NMD3: variants seen among roughly 807,000 people sequenced by gnomAD.
NMD3 encodes 60S ribosomal export protein NMD3.
NMD3 carries 47 observed loss-of-function variants against 73.1 expected under a neutral mutation model. That is an observed-to-expected ratio of 0.64 (90% confidence interval 0.51 to 0.82). NMD3 has a LOEUF of 0.82. Among genes scored for constraint, NMD3 ranks in the 40% least tolerant of loss-of-function variants. NMD3 has a pLI of 0.00. For synonymous variants in NMD3, 210 were observed against 194.5 expected (o/e 1.08, Z -0.66); for missense variants, 554 against 612.5 (o/e 0.90, Z 1.01).
At chr3:161,233,054 A>G (rs1481494376) in intron 4 of NMD3, among the ~76,000 whole-genome samples, 1 of 152,100 alleles carries the variant, frequency 6.6e-6, no homozygotes, top group East Asian at 1.9e-4. Context: ...ATAAATAATG[A>G]GGTCACAAGG....
In NMD3 at chr3:161,242,572, G is replaced by T. The variant is rs770042204; in HGVS notation, c.936G>T (p.Gln312His). 7.4e-6 allele frequency: 12 copies of T among 1,613,440 alleles called. No individual in the cohort carries two copies. Among genetic ancestry groups the T allele is most frequent in the Middle Eastern group, 1.6e-4 (1 of 6,082 alleles). ...HPFNSLCHPK[Q>H]LEEFIVMECS... is the part of the protein sequence containing the mutation. ...TCAATAGTTTATGTCATCCCAAACA[G>T]CTAGAGGAGTTTATTGTGATGGAAT... The change falls in exon 11 of 16, where the codon CAG becomes CAT. Residue 312 changes from glutamine (Q) to histidine (H), a missense_variant. Physicochemically the swap from Gln to His is conservative, Grantham distance 24. Coordinates refer to ENST00000351193, the MANE Select transcript of NMD3 (RefSeq NM_015938.5).
chr3:161,238,947 T>C (rs753988262), intron 9 of NMD3, 121 bp downstream of exon 9: 4 of 539,598 alleles, frequency 7.4e-6, no homozygotes, highest in Non-Finnish European at 1.3e-5. Flanking sequence ...AATAAGTTCC[T>C]TAAGTGACTT....
chr3:161,236,812 C>G (rs1316424538), intron 7 of NMD3, among the ~76,000 whole-genome samples: 1 of 152,104 alleles, frequency 6.6e-6, no homozygotes, highest in Non-Finnish European at 1.5e-5. Context: ...AAAACTCTGT[C>G]CTTTCCTCAG....
intron 4 of NMD3, among the ~76,000 whole-genome samples, chr3:161,229,546 A>C (rs1181794329): frequency 6.6e-6 from 1 of 152,214 alleles, no homozygotes; most frequent in Non-Finnish European, 1.5e-5. Flanking sequence ...TAGACACTTA[A>C]GTAGAAATAC....
intron 11 of NMD3, among the ~76,000 whole-genome samples, chr3:161,244,650 T>C (rs930857433): frequency 2.9e-4 from 43 of 150,534 alleles, no homozygotes; most frequent in Non-Finnish European, 5.3e-4. Context: ...TTTTTTTTTT[T>C]TTTTTTTAAA....
intron 13 of NMD3, among the ~76,000 whole-genome samples, chr3:161,248,056 G>A (rs1336276808): frequency 6.6e-6 from 1 of 151,888 alleles, no homozygotes; most frequent in Non-Finnish European, 1.5e-5. Flanking sequence ...AAGTAGCTGG[G>A]ATTACAGGTG....
At chr3:161,227,098 C>A (rs1736347615) in intron 3 of NMD3, 149 bp from the exon 4 acceptor site, 1 of 476,850 alleles carries the variant, frequency 2.1e-6, no homozygotes, top group Non-Finnish European at 3.8e-6. Flanking sequence ...GTTTTGGAAC[C>A]ATTAAAATAT....
downstream of NMD3, chr3:161,252,971 C>A (rs935541379): frequency 4.7e-6 from 2 of 424,578 alleles, no homozygotes. Context: ...TGGTGGTGCA[C>A]ACATAGTCCC....
intron 9 of NMD3, 23 bp downstream of exon 9, chr3:161,238,849 C>T (rs1424285347): frequency 2.6e-6 from 3 of 1,141,652 alleles, no homozygotes; most frequent in Non-Finnish European, 3.9e-6. Context: ...TTCATTTAAT[C>T]CATATCTGTA....
At chr3:161,235,347 C>T (rs1042672788) in intron 7 of NMD3, 135 bp downstream of exon 7, 2 of 439,114 alleles carry the variant, frequency 4.6e-6, no homozygotes, top group African/African-American at 4.3e-5. Context: ...AAAAAAAAAA[C>T]AACTTAATTC....
chr3:161,235,986 T>G (rs1736741328), intron 7 of NMD3, among the ~76,000 whole-genome samples: 1 of 152,228 alleles, frequency 6.6e-6, no homozygotes, highest in Non-Finnish European at 1.5e-5. Context: ...TTTTATTAAT[T>G]TTGTTTTTAA....
intron 11 of NMD3, 108 bp downstream of exon 11, chr3:161,242,761 A>G (rs1737042557): frequency 2.1e-6 from 2 of 949,346 alleles, no homozygotes; most frequent in African/African-American, 1.6e-5. Context: ...ATGGAATCCA[A>G]ACTTAGCACC....
At chr3:161,247,522 C>G (rs1431782474) in intron 13 of NMD3, among the ~76,000 whole-genome samples, 192 bp downstream of exon 13, 6 of 149,466 alleles carry the variant, frequency 4.0e-5, no homozygotes, top group Non-Finnish European at 8.9e-5. Flanking sequence ...TGCAGTGGCT[C>G]AAGCCTGTAA....
chr3:161,252,733 T>C, downstream of NMD3: 1 of 649,104 alleles, frequency 1.5e-6, no homozygotes, highest in Non-Finnish European at 2.8e-6. Flanking sequence ...TTTATAAATA[T>C]AATTTACAAG....
chr3:161,222,352 C>A (rs1040824603), intron 2 of NMD3, among the ~76,000 whole-genome samples: 1 of 146,750 alleles, frequency 6.8e-6, no homozygotes, highest in African/African-American at 2.5e-5. Context: ...TTTTTACTTA[C>A]TTTTTTTTTT....
intron 4 of NMD3, 75 bp downstream of exon 4, chr3:161,227,418 A>T: frequency 4.9e-5 from 33 of 674,722 alleles, no homozygotes; most frequent in Non-Finnish European, 7.3e-5. Flanking sequence ...AATTCTTGTG[A>T]GTAGGTTTTT....
chr3:161,221,807 T>TA (rs1736094188), intron 1 of NMD3, 187 bp from the exon 2 acceptor site: 1 of 458,628 alleles, frequency 2.2e-6, no homozygotes, highest in South Asian at 3.4e-5. Flanking sequence ...GTCCTCATCT[T>TA]AAAGTTCTTT....
chr3:161,247,114 C>G, intron 12 of NMD3, 144 bp from the exon 13 acceptor site: 1 of 571,052 alleles, frequency 1.8e-6, no homozygotes, highest in South Asian at 2.4e-5. Context: ...GAAGCATGTT[C>G]ATTGTGTAAT....
chr3:161,226,224 C>T (rs79991060), intron 3 of NMD3, among the ~76,000 whole-genome samples: 11,727 of 152,066 alleles, frequency 0.077, 716 homozygotes, highest in South Asian at 0.18. Flanking sequence ...GAGGCTGAGG[C>T]GGGTGGATCA....
Sources: allele counts gnomAD v4.1 joint callset (sites outside exome capture counted in the v4.1 genomes callset), GRCh38; gene constraint gnomAD v4.1.1; transcripts MANE v1.5; gene names NCBI Gene and HGNC (gene_info 2026-07-23, HGNC 2026-07-21).